The following POFUT3 variants were observed in gnomAD, a reference collection of about 807,000 sequenced individuals.
POFUT3 encodes protein O-fucosyltransferase 3, also known as GDP-fucose protein O-fucosyltransferase 3.
At chr8:33,372,403 C>T in the POFUT3 span, 20 of 1,394,276 alleles carry the variant, frequency 1.4e-5, 1 homozygote, top group South Asian at 3.3e-4. Context: ...TAGTGGCTAC[C>T]CCTAAGGGTA....
At chr8:33,367,358 C>T in the POFUT3 span, among the ~76,000 whole-genome samples, 1 of 152,200 alleles carries the variant, frequency 6.6e-6, no homozygotes, top group Non-Finnish European at 1.5e-5. Flanking sequence ...CAGTTAACTA[C>T]CCCAACCTAT....
chr8:33,391,890 A>T, the POFUT3 span, among the ~76,000 whole-genome samples: 3 of 152,174 alleles, frequency 2.0e-5, no homozygotes, highest in Non-Finnish European at 4.4e-5. Context: ...TAGGTGGCAC[A>T]TGGAAGATTC....
the POFUT3 span, among the ~76,000 whole-genome samples, chr8:33,390,548 C>CA: frequency 0.083 from 7,251 of 87,490 alleles, 274 homozygotes; most frequent in East Asian, 0.15. Flanking sequence ...TGATTAACTG[C>CA]AAAAAAAAAA....
chr8:33,333,467 C>T, the POFUT3 span, among the ~76,000 whole-genome samples: 2 of 152,094 alleles, frequency 1.3e-5, no homozygotes, highest in South Asian at 2.1e-4. Context: ...ACACAATAAA[C>T]ACTGTGAAAT....
At chr8:33,417,752 C>T in the POFUT3 span, among the ~76,000 whole-genome samples, 1 of 152,004 alleles carries the variant, frequency 6.6e-6, no homozygotes, top group Admixed American at 6.6e-5. Context: ...TAGATAATCA[C>T]ACTTCAAATA....
chr8:33,442,399 C>G, the POFUT3 span, among the ~76,000 whole-genome samples: 1 of 151,690 alleles, frequency 6.6e-6, no homozygotes, highest in African/African-American at 2.4e-5. Context: ...ACCATTCTCC[C>G]GCCTCAGCCT....
chr8:33,358,215 T>C, the POFUT3 span, among the ~76,000 whole-genome samples: 1 of 152,178 alleles, frequency 6.6e-6, no homozygotes, highest in Non-Finnish European at 1.5e-5. Flanking sequence ...ATGGTGCCAT[T>C]GCACTCCAGC....
the POFUT3 span, among the ~76,000 whole-genome samples, chr8:33,416,830 CAAAAAAA>C: frequency 1.4e-3 from 62 of 44,562 alleles, no homozygotes; most frequent in Admixed American, 3.4e-3. Context: ...TGGGCGACGA[CAAAAAAA>C]AAAAAAAAAA....
chr8:33,419,783 T>C, the POFUT3 span, among the ~76,000 whole-genome samples: 1 of 152,344 alleles, frequency 6.6e-6, no homozygotes, highest in South Asian at 2.1e-4. Context: ...TTATGTAATA[T>C]GTTAGGTCAT....
chr8:33,340,082 T>C, the POFUT3 span, among the ~76,000 whole-genome samples: 2 of 152,136 alleles, frequency 1.3e-5, no homozygotes, highest in African/African-American at 4.8e-5. Flanking sequence ...TAAACAATTC[T>C]ATTATAAGTG....
chr8:33,353,098 C>T, the POFUT3 span, among the ~76,000 whole-genome samples: 1 of 152,242 alleles, frequency 6.6e-6, no homozygotes, highest in Non-Finnish European at 1.5e-5. Context: ...CCCAGTGTCA[C>T]TTTCCAGCCA....
At chr8:33,372,904 T>C in the POFUT3 span, 3 of 1,070,866 alleles carry the variant, frequency 2.8e-6, no homozygotes, top group Non-Finnish European at 2.7e-6. Flanking sequence ...CTTTACTCCA[T>C]GGAGCTAAAG....
chr8:33,369,342 C>CT, the POFUT3 span, among the ~76,000 whole-genome samples: 1 of 152,114 alleles, frequency 6.6e-6, no homozygotes, highest in Non-Finnish European at 1.5e-5. Context: ...TCTATATCCC[C>CT]TTTGAGTTTT....
chr8:33,471,710 A>G, the POFUT3 span, among the ~76,000 whole-genome samples: 5 of 152,218 alleles, frequency 3.3e-5, no homozygotes, highest in Non-Finnish European at 5.9e-5. Flanking sequence ...TATTGTTTGT[A>G]AGATAAAACT....
chr8:33,443,552 G>A, the POFUT3 span, among the ~76,000 whole-genome samples: 7 of 152,090 alleles, frequency 4.6e-5, no homozygotes. Context: ...GAGTGTAGTG[G>A]CACGATCTTG....
At chr8:33,327,128 G>A in the POFUT3 span, among the ~76,000 whole-genome samples, 1 of 152,174 alleles carries the variant, frequency 6.6e-6, no homozygotes, top group African/African-American at 2.4e-5. Context: ...TAGTGTGATA[G>A]GAGGTGAAGG....
At chr8:33,407,589 ATT>A in the POFUT3 span, among the ~76,000 whole-genome samples, 2 of 151,810 alleles carry the variant, frequency 1.3e-5, no homozygotes, top group African/African-American at 2.4e-5. Context: ...GTTAAAAAAA[ATT>A]TTTTATCTCA....
the POFUT3 span, among the ~76,000 whole-genome samples, chr8:33,402,964 G>T: frequency 2.6e-5 from 4 of 151,934 alleles, no homozygotes; most frequent in Non-Finnish European, 5.9e-5. Context: ...AGGAGGCTGT[G>T]GTGGAAGAAT....
chr8:33,466,460 G>A, the POFUT3 span, among the ~76,000 whole-genome samples: 3 of 151,008 alleles, frequency 2.0e-5, no homozygotes, highest in African/African-American at 7.3e-5. Flanking sequence ...AAAGGAAAGA[G>A]AAAGGAGAAG....
Sources: gnomAD v4.1 joint callset for allele counts (sites outside exome capture counted in the v4.1 genomes callset) on GRCh38, gnomAD v4.1.1 for gene constraint, MANE v1.5 for transcripts, NCBI Gene and HGNC (gene_info 2026-07-23, HGNC 2026-07-21) for gene names.